The following DYNC2I1 variants were observed in gnomAD, a reference collection of about 807,000 sequenced individuals.
DYNC2I1 encodes dynein 2 intermediate chain 1, also known as cytoplasmic dynein 2 intermediate chain 1.
Under a neutral mutation model 133.4 loss-of-function variants are expected in DYNC2I1, and 89 were observed. The ratio of observed to expected loss-of-function variants is 0.67; its 90% confidence interval spans 0.56 to 0.80. DYNC2I1 has a LOEUF of 0.80. DYNC2I1 is among the 30% of genes least tolerant of loss of function. The pLI is 0.00. For synonymous variants in DYNC2I1, 504 were observed against 484.3 expected (o/e 1.04, Z -0.54); for missense variants, 1,291 against 1,314.5 (o/e 0.98, Z 0.28).
At chr7:158,949,787 TTC>T (rs1328182388), downstream of DYNC2I1, among the ~76,000 whole-genome samples, 1 of 133,466 alleles carries the variant, frequency 7.5e-6, no homozygotes, top group African/African-American at 2.7e-5. Flanking sequence ...TTTTTTTTTT[TTC>T]AGACGGAGTT....
upstream of DYNC2I1, among the ~76,000 whole-genome samples, chr7:158,853,071 C>T (rs535350697): frequency 8.3e-4 from 127 of 152,262 alleles, no homozygotes; most frequent in African/African-American, 2.8e-3. Context: ...GTCTCTTGGC[C>T]ATAGGGTGTC....
rs763038034 is a variant in DYNC2I1, at chr7:158,918,850, C to T, written c.1902C>T (p.Thr634=). The T allele has an allele frequency of 2.9e-5, 46 of 1,613,462 alleles. No individual in the cohort carries two copies. Among genetic ancestry groups the T allele is most frequent in the Non-Finnish European group, 3.7e-5 (44 of 1,179,630 alleles). Residue 634 remains threonine (T), a synonymous_variant, in exon 15 of 25, where the codon ACC becomes ACT. Coordinates refer to ENST00000407559, the MANE Select transcript of DYNC2I1 (RefSeq NM_018051.5). The part of the protein sequence containing the change: ...YFSDSSSQLN[T]SLPFLQNRKV... ...GTGACAGCTCATCTCAGCTGAACAC[C>T]AGTCTACCATTCCTTCAAAGTAAGA...
the DYNC2I1 span, among the ~76,000 whole-genome samples, chr7:158,847,630 A>T: frequency 6.6e-6 from 1 of 152,220 alleles, no homozygotes; most frequent in East Asian, 1.9e-4. Context: ...TAAAATAATA[A>T]AAAGCAAAAT....
At chr7:158,908,594 C>A (rs1847074110) in intron 11 of DYNC2I1, among the ~76,000 whole-genome samples, 2 of 152,144 alleles carry the variant, frequency 1.3e-5, no homozygotes, top group African/African-American at 4.8e-5. Context: ...GAGATCCAGT[C>A]AGGAAAACAA....
At chr7:158,876,106 G>A (rs1392189537) in intron 3 of DYNC2I1, among the ~76,000 whole-genome samples, 1 of 152,230 alleles carries the variant, frequency 6.6e-6, no homozygotes, top group Non-Finnish European at 1.5e-5. Context: ...TGTGCGGGCT[G>A]TACAGGAAGC....
intron 5 of DYNC2I1, among the ~76,000 whole-genome samples, chr7:158,881,838 C>G (rs749444161): frequency 6.6e-6 from 1 of 152,188 alleles, no homozygotes; most frequent in South Asian, 2.1e-4. Flanking sequence ...TTCAAACATA[C>G]AGCAAAGTCG....
chr7:158,854,942 A>C (rs545676780), upstream of DYNC2I1, among the ~76,000 whole-genome samples: 2 of 152,354 alleles, frequency 1.3e-5, no homozygotes, highest in East Asian at 3.9e-4. Context: ...GGTGGGGGCC[A>C]AGGTGCCCGG....
downstream of DYNC2I1, among the ~76,000 whole-genome samples, chr7:158,949,235 TAC>T (rs1343839318): frequency 2.6e-5 from 4 of 152,254 alleles, no homozygotes; most frequent in East Asian, 1.9e-4. Flanking sequence ...TCTCTGAAGA[TAC>T]AGAGTCACAC....
chr7:158,872,310 T>A (rs750805873), intron 3 of DYNC2I1, among the ~76,000 whole-genome samples: 2 of 152,072 alleles, frequency 1.3e-5, no homozygotes, highest in Non-Finnish European at 2.9e-5. Flanking sequence ...AGTGAGACCC[T>A]GTCTCAAAAG....
At chr7:158,876,567 C>G in intron 3 of DYNC2I1, 42 bp from the exon 4 acceptor site, 1 of 1,515,122 alleles carries the variant, frequency 6.6e-7, no homozygotes, top group Non-Finnish European at 8.8e-7. Flanking sequence ...TTTTGATGTG[C>G]TAACATTTGG....
intron 15 of DYNC2I1, among the ~76,000 whole-genome samples, chr7:158,921,800 A>G (rs559699711): frequency 9.2e-5 from 14 of 152,312 alleles, no homozygotes; most frequent in African/African-American, 3.1e-4. Flanking sequence ...CTCGCCAGTC[A>G]TGGACTTCCT....
At chr7:158,923,181 G>T (rs1849264658) in intron 16 of DYNC2I1, among the ~76,000 whole-genome samples, 1 of 152,340 alleles carries the variant, frequency 6.6e-6, no homozygotes, top group Middle Eastern at 3.4e-3. Context: ...CACAAAAGCT[G>T]TAGAGAAGAA....
chr7:158,866,451 C>T (rs1016372549), intron 1 of DYNC2I1, among the ~76,000 whole-genome samples: 18 of 150,730 alleles, frequency 1.2e-4, no homozygotes, highest in Admixed American at 1.1e-3. Context: ...CTCTGTGGTA[C>T]CCTGGTCTCC....
the DYNC2I1 span, among the ~76,000 whole-genome samples, chr7:158,851,269 A>G: frequency 6.6e-6 from 1 of 152,298 alleles, no homozygotes; most frequent in East Asian, 1.9e-4. Flanking sequence ...GCAGTGGTTC[A>G]TGCCTGTAAT....
In DYNC2I1 at chr7:158,902,735, C is replaced by T. The variant is rs1360022364; in HGVS notation, c.1357+140C>T. On this transcript the variant is annotated intron_variant, in intron 10 of 24. Transcript: ENST00000407559. ...TCTTCCACATGCTGGTGGTGCCATG[C>T]CCTTGCAGCTACCACATAGGAGGCC... is the stretch of plus-strand genomic sequence containing the variant. 4 of 736,374 alleles carry T rather than the reference C, an allele frequency of 5.4e-6. No homozygotes were observed. In the East Asian group the frequency reaches 1.1e-4, roughly 20 times the overall value. 45.6% of individuals were successfully genotyped at this position (736,374 alleles called of 1,614,324 possible).
At chr7:158,924,820 T>C (rs1849457828) in intron 17 of DYNC2I1, among the ~76,000 whole-genome samples, 1 of 152,144 alleles carries the variant, frequency 6.6e-6, no homozygotes, top group Admixed American at 6.5e-5. Context: ...AGTGGCACGA[T>C]CTTAGCTCAC....
chr7:158,926,081 G>T (rs2129486980), intron 17 of DYNC2I1, 106 bp from the exon 18 acceptor site: 1 of 830,764 alleles, frequency 1.2e-6, no homozygotes. Flanking sequence ...GGAGAGAGTT[G>T]GATCTGTGAG....
intron 8 of DYNC2I1, among the ~76,000 whole-genome samples, chr7:158,901,370 T>C (rs1384576248): frequency 6.6e-6 from 1 of 152,350 alleles, no homozygotes; most frequent in East Asian, 1.9e-4. Flanking sequence ...CAGTGCTCAC[T>C]ACAGCTACAC....
intron 24 of DYNC2I1, among the ~76,000 whole-genome samples, chr7:158,943,933 A>G (rs1203347792): frequency 2.0e-5 from 3 of 152,192 alleles, no homozygotes; most frequent in Middle Eastern, 3.4e-3. Context: ...CTCTACTTCT[A>G]CTTCCCACAC....
Sources: allele counts gnomAD v4.1 joint callset (sites outside exome capture counted in the v4.1 genomes callset), GRCh38; gene constraint gnomAD v4.1.1; transcripts MANE v1.5; gene names NCBI Gene and HGNC (gene_info 2026-07-23, HGNC 2026-07-21).